FAF2: variants seen among roughly 807,000 people sequenced by gnomAD.
The protein encoded by FAF2 is FAS-associated factor 2.
Under a neutral mutation model 62.3 loss-of-function variants are expected in FAF2, and 9 were observed. That is an observed-to-expected ratio of 0.14 (90% CI 0.09 to 0.25). The LOEUF (loss-of-function observed/expected upper bound fraction) is 0.25, where lower values mean the gene tolerates loss of function less well. FAF2 is among the 10% of genes least tolerant of loss of function. The pLI is 1.00. For synonymous variants in FAF2, 202 were observed against 198.0 expected, an observed-to-expected ratio of 1.02 and a Z score of -0.17; for missense variants, 368 against 556.2, an observed-to-expected ratio of 0.66 and a Z score of 3.40.
At chr5:176,491,238 A>G (rs900660283) in intron 4 of FAF2, among the ~76,000 whole-genome samples, 11 of 152,248 alleles carry the variant, frequency 7.2e-5, no homozygotes, top group Non-Finnish European at 1.5e-4. Flanking sequence ...GTTTAATGTT[A>G]GGTAACACAT....
intron 1 of FAF2, among the ~76,000 whole-genome samples, chr5:176,458,953 G>A (rs1359594978): frequency 2.6e-5 from 4 of 152,012 alleles, no homozygotes; most frequent in African/African-American, 4.8e-5. Context: ...TTCTTGATAA[G>A]TTCCTTGAAG....
chr5:176,499,190 T>C, intron 9 of FAF2, 105 bp downstream of exon 9: 2 of 1,001,312 alleles, frequency 2.0e-6, no homozygotes, highest in East Asian at 3.2e-5. Context: ...TTAAACAGAC[T>C]AAGAGGGAAA....
At chr5:176,473,114 T>A (rs2913728) in intron 1 of FAF2, among the ~76,000 whole-genome samples, 126,032 of 152,122 alleles carry the variant, frequency 0.83, 52,353 homozygotes, top group African/African-American at 0.9. Flanking sequence ...ACAAAAGTCC[T>A]TTCTTTATTC....
chr5:176,453,948 C>T (rs1244380245), intron 1 of FAF2, among the ~76,000 whole-genome samples: 6 of 150,978 alleles, frequency 4.0e-5, no homozygotes, highest in Admixed American at 6.6e-5. Context: ...CCCAGCTACT[C>T]GGAAGGCTAA....
In FAF2 at chr5:176,509,363, A is replaced by C. The variant is rs1385506909; in HGVS notation, c.*2413A>C. 1 of 152,232 alleles carries C rather than the reference A, an allele frequency of 6.6e-6. No individual in the cohort carries two copies. Among genetic ancestry groups the C allele is most frequent in the Admixed American group, 6.5e-5 (1 of 15,286 alleles). The allele number at this position is 152,232 out of a possible 1,614,324, so 9.4% of individuals were successfully genotyped here. ...TGATGAGACCTGCGAGGGAGAAGACACTGAGAAGCCAGTGATCTGCAAGCA... is the reference window on the plus strand; with the variant it reads ...TGATGAGACCTGCGAGGGAGAAGACCCTGAGAAGCCAGTGATCTGCAAGCA... On this transcript the variant is annotated 3_prime_UTR_variant, in exon 11 of 11. Coordinates refer to ENST00000261942, the MANE Select transcript of FAF2 (RefSeq NM_014613.3).
intron 9 of FAF2, 64 bp from the exon 10 acceptor site, chr5:176,499,939 A>G: frequency 6.4e-7 from 1 of 1,574,784 alleles, no homozygotes; most frequent in Non-Finnish European, 8.6e-7. Context: ...TGCGTAATAA[A>G]GCTACATGGT....
intron 1 of FAF2, among the ~76,000 whole-genome samples, chr5:176,475,763 C>G (rs1758677692): frequency 2.7e-5 from 4 of 148,292 alleles, no homozygotes; most frequent in African/African-American, 9.9e-5. Flanking sequence ...AGCGAGACTT[C>G]GTCTAAAAAA....
At chr5:176,495,192 G>T (rs931421922) in intron 7 of FAF2, among the ~76,000 whole-genome samples, 2 of 152,142 alleles carry the variant, frequency 1.3e-5, no homozygotes, top group Non-Finnish European at 2.9e-5. Flanking sequence ...CATTTTTGTG[G>T]CTACTTCTAT....
At chr5:176,475,780 A>G (rs74910382) in intron 1 of FAF2, among the ~76,000 whole-genome samples, 2 of 152,174 alleles carry the variant, frequency 1.3e-5, no homozygotes, top group Admixed American at 1.3e-4. Flanking sequence ...AAAAAAAAAA[A>G]AAGAATTACT....
chr5:176,459,408 G>A (rs548860150), intron 1 of FAF2, among the ~76,000 whole-genome samples: 12 of 151,790 alleles, frequency 7.9e-5, no homozygotes, highest in Non-Finnish European at 1.2e-4. Context: ...ACAGGCCCAC[G>A]CCACCACACC....
chr5:176,458,347 A>G (rs1758313091), intron 1 of FAF2, among the ~76,000 whole-genome samples: 1 of 148,516 alleles, frequency 6.7e-6, no homozygotes, highest in Admixed American at 6.8e-5. Flanking sequence ...CTTACAAAGT[A>G]CTGGGATTAC....
At chr5:176,473,066 G>A (rs183911098) in intron 1 of FAF2, among the ~76,000 whole-genome samples, 1 of 152,246 alleles carries the variant, frequency 6.6e-6, no homozygotes, top group Admixed American at 6.5e-5. Flanking sequence ...TGGTACACTT[G>A]TCAAAATTGA....
chr5:176,507,484 G>GTA lies in FAF2; in HGVS notation c.*535_*536dup, dbSNP rs1367571012. On this transcript the variant is annotated 3_prime_UTR_variant, in exon 11 of 11. Transcript: ENST00000261942. ...TTTCAATAACTTTTATTTCTGTTTT[G>GTA]TAATGACCAAAGGAATGAGGCTGAC... 1 of 272,184 alleles carries GTA rather than the reference G, an allele frequency of 3.7e-6. No individual in the cohort carries two copies. Among genetic ancestry groups the GTA allele is most frequent in the Non-Finnish European group, 7.4e-6 (1 of 134,312 alleles). The allele number at this position is 272,184 out of a possible 1,614,324, so 16.9% of individuals were successfully genotyped here.
At position 176,493,981 on chromosome 5, in the gene FAF2, A is replaced by G; in HGVS notation, c.484-18A>G. ...GGCACAGTCTTCTTAATAGTGAGTG[A>G]CCTTCTCTTTCTCACAGGCACTTAA... On this transcript the variant is annotated intron_variant, in intron 5 of 10. Coordinates refer to ENST00000261942, the MANE Select transcript of FAF2 (RefSeq NM_014613.3). The G allele has an allele frequency of 6.3e-7, 1 of 1,585,202 alleles. No individual in the cohort carries two copies. The highest frequency in any genetic ancestry group is 8.7e-7 in the Non-Finnish European group (1 of 1,155,242).
chr5:176,463,657 A>T (rs1758417016), intron 1 of FAF2, among the ~76,000 whole-genome samples: 1 of 151,912 alleles, frequency 6.6e-6, no homozygotes, highest in African/African-American at 2.4e-5. Flanking sequence ...AGGAAGCTAA[A>T]CCTAAGAAAG....
At position 176,494,200 on chromosome 5, in the gene FAF2, C is replaced by T. The variant is rs533186330; in HGVS notation, c.586C>T (p.Pro196Ser). ...TTTCCACAGCAACACACTCTGTGCA[C>T]CTGAAGTTATTTCACTAATAAACAC... is the stretch of plus-strand genomic sequence containing the variant. ...DEFCRNTLCA[P>S]EVISLINTRM... Residue 196 changes from proline to serine, a missense_variant, in exon 7 of 11, where the codon CCT (proline) becomes TCT (serine). Coordinates refer to ENST00000261942, the MANE Select transcript of FAF2 (RefSeq NM_014613.3). This position sits in a 1 kb window ranked among gnomAD's most constrained non-coding sequence, Gnocchi z 4.0. 1.2e-6 allele frequency: 2 copies of T among 1,614,100 alleles called. No homozygotes were observed. Among genetic ancestry groups the T allele is most frequent in the East Asian group, 2.2e-5 (1 of 44,866 alleles).
At chr5:176,467,074 T>A (rs570455221) in intron 1 of FAF2, among the ~76,000 whole-genome samples, 1 of 151,508 alleles carries the variant, frequency 6.6e-6, no homozygotes, top group South Asian at 2.1e-4. Flanking sequence ...GAGCAAGGGA[T>A]TTTTCTCAGT....
intron 4 of FAF2, 151 bp downstream of exon 4, chr5:176,489,178 C>A: frequency 3.6e-6 from 2 of 559,420 alleles, no homozygotes; most frequent in East Asian, 3.1e-5. Flanking sequence ...ATACAACATA[C>A]AAGTATTTTA....
intron 5 of FAF2, among the ~76,000 whole-genome samples, chr5:176,493,498 C>A (rs1759011131): frequency 6.6e-6 from 1 of 152,220 alleles, no homozygotes. Context: ...TCTTTTACAC[C>A]CTATGCTCTT....
Sources: gnomAD v4.1 joint callset for allele counts (sites outside exome capture counted in the v4.1 genomes callset) on GRCh38, gnomAD v4.1.1 for gene constraint, Gnocchi (gnomAD v3.1) non-coding constraint, MANE v1.5 for transcripts, NCBI Gene and HGNC (gene_info 2026-07-23, HGNC 2026-07-21) for gene names.